The following ADAM18 variants were observed in gnomAD, a reference collection of about 807,000 sequenced individuals.
ADAM18 encodes the protein disintegrin and metalloproteinase domain-containing protein 18.
Under a neutral mutation model 94.4 loss-of-function variants are expected in ADAM18, and 117 were observed. The ratio of observed to expected loss-of-function variants is 1.24; its 90% confidence interval spans 1.07 to 1.45. The LOEUF is 1.45. Among genes scored for constraint, ADAM18 ranks in the 40% most tolerant of loss-of-function variants. The pLI is 0.00. For missense variants in ADAM18, 936 were observed against 880.0 expected (o/e 1.06, Z -0.81); for synonymous variants, 327 against 291.6 (o/e 1.12, Z -1.24).
At chr8:39,695,956 G>A (rs895605294) in intron 17 of ADAM18, among the ~76,000 whole-genome samples, 4 of 151,344 alleles carry the variant, frequency 2.6e-5, no homozygotes, top group African/African-American at 7.3e-5. Context: ...GGAGCATATG[G>A]TAATTCTATT....
At chr8:39,623,235 TC>T (rs1819664740) in intron 6 of ADAM18, among the ~76,000 whole-genome samples, 1 of 152,348 alleles carries the variant, frequency 6.6e-6, no homozygotes, top group South Asian at 2.1e-4. Flanking sequence ...GTATACATTA[TC>T]CACTCACTGA....
At chr8:39,615,037 A>G (rs547770855) in intron 6 of ADAM18, among the ~76,000 whole-genome samples, 1 of 152,322 alleles carries the variant, frequency 6.6e-6, no homozygotes, top group South Asian at 2.1e-4. Flanking sequence ...TGACAGCATT[A>G]GACAAAATAT....
intron 16 of ADAM18, among the ~76,000 whole-genome samples, chr8:39,680,680 G>A (rs770050604): frequency 2.0e-5 from 3 of 152,110 alleles, no homozygotes; most frequent in Non-Finnish European, 2.9e-5. Context: ...AGGCTCATGC[G>A]TATATACATG....
chr8:39,635,626 C>G (rs1270034233), intron 7 of ADAM18, among the ~76,000 whole-genome samples: 1 of 152,026 alleles, frequency 6.6e-6, no homozygotes, highest in African/African-American at 2.4e-5. Context: ...TGTCTTTTTC[C>G]TAATTCAGTC....
At chr8:39,616,071 A>G (rs190931900) in intron 6 of ADAM18, among the ~76,000 whole-genome samples, 2 of 152,232 alleles carry the variant, frequency 1.3e-5, no homozygotes, top group African/African-American at 4.8e-5. Flanking sequence ...ACAAATGGGG[A>G]AAATATTTTA....
At chr8:39,702,610 G>T (rs1296045496) in intron 17 of ADAM18, among the ~76,000 whole-genome samples, 1 of 152,126 alleles carries the variant, frequency 6.6e-6, no homozygotes, top group Admixed American at 6.6e-5. Flanking sequence ...GGTTTTTGTA[G>T]TTTTGGATTT....
chr8:39,607,807 A>T (rs1446181087), intron 3 of ADAM18, among the ~76,000 whole-genome samples: 2 of 132,984 alleles, frequency 1.5e-5, no homozygotes, highest in Non-Finnish European at 1.6e-5. Flanking sequence ...TGGTTTCTGC[A>T]TTCTGGTTTT....
At chr8:39,606,602 C>T (rs1363021523) in intron 3 of ADAM18, among the ~76,000 whole-genome samples, 3 of 152,026 alleles carry the variant, frequency 2.0e-5, no homozygotes, top group Non-Finnish European at 4.4e-5. Context: ...CTTGTAAAAT[C>T]TCAAATTGCA....
chr8:39,727,251 G>T (rs571821917), intron 19 of ADAM18, among the ~76,000 whole-genome samples: 2 of 152,222 alleles, frequency 1.3e-5, no homozygotes, highest in South Asian at 2.1e-4. Flanking sequence ...CTCCTTTTTA[G>T]TTATGTTAAT....
At position 39,645,471 on chromosome 8, in the gene ADAM18, C is replaced by A. The variant is rs1820353336; in HGVS notation, c.1043C>A (p.Ala348Glu). ...GCTACATGCATCATGAATCATGAAG[C>A]AGTGTAAGATGTTTTCTTAATTAAT... ...LRATCIMNHE[A>E]VSASGRKIFS... Residue 348 changes from alanine (A) to glutamate (E), a missense_variant, in exon 11 of 20, where the codon GCA becomes GAA. Ala to Glu is a moderately radical substitution (Grantham distance 107). Transcript: ENST00000265707. The A allele has an allele frequency of 5.0e-6, 8 of 1,608,214 alleles. No homozygotes were observed. Among genetic ancestry groups the A allele is most frequent in the Non-Finnish European group, 6.8e-6 (8 of 1,178,064 alleles).
At chr8:39,722,388 A>G (rs1311163327) in intron 18 of ADAM18, among the ~76,000 whole-genome samples, 1 of 150,884 alleles carries the variant, frequency 6.6e-6, no homozygotes, top group African/African-American at 2.4e-5. Flanking sequence ...CATGGATGGA[A>G]CTGGAGGCAT....
chr8:39,685,808 T>C (rs923703985), intron 16 of ADAM18, among the ~76,000 whole-genome samples: 12 of 152,332 alleles, frequency 7.9e-5, no homozygotes, highest in South Asian at 4.1e-4. Context: ...TCTGCTAACA[T>C]ATTTCTTCTT....
At chr8:39,622,677 C>A (rs1015320798) in intron 6 of ADAM18, among the ~76,000 whole-genome samples, 2 of 151,808 alleles carry the variant, frequency 1.3e-5, no homozygotes, top group Non-Finnish European at 1.5e-5. Flanking sequence ...ATTAATTTTT[C>A]ATTTCATGTC....
intron 2 of ADAM18, among the ~76,000 whole-genome samples, chr8:39,595,652 G>C (rs966802795): frequency 1.3e-5 from 2 of 151,932 alleles, no homozygotes; most frequent in African/African-American, 2.4e-5. Context: ...CTCCCAAATA[G>C]CTGGGATTAG....
chr8:39,677,669 T>C (rs567856101), intron 15 of ADAM18, 133 bp downstream of exon 15: 1 of 624,160 alleles, frequency 1.6e-6, no homozygotes, highest in African/African-American at 1.9e-5. Flanking sequence ...ATATATTTTT[T>C]CTATGAAATT....
Position 39,626,353 on chromosome 8 carries a change from C to T in ADAM18, c.523-3021C>T, listed in dbSNP as rs958742808. Among the ~76,000 whole-genome samples the T allele has an allele frequency of 1.8e-4, 27 of 151,848 alleles. 1 individual carries two copies. Among genetic ancestry groups the T allele is most frequent in the Middle Eastern group, 6.8e-3 (2 of 294 alleles). On this transcript the variant is annotated intron_variant, in intron 6 of 19. Coordinates refer to ENST00000265707, the MANE Select transcript of ADAM18 (RefSeq NM_014237.3). ...TAGTTTTGTTAATCTTTTCAAAGAA[C>T]CAAGTTTTCATTTCATTGATCATTT...
At chr8:39,701,321 G>A (rs1822071815) in intron 17 of ADAM18, among the ~76,000 whole-genome samples, 1 of 150,996 alleles carries the variant, frequency 6.6e-6, no homozygotes, top group Admixed American at 6.6e-5. Flanking sequence ...GCTGATATAT[G>A]TATTGTTCTA....
intron 18 of ADAM18, among the ~76,000 whole-genome samples, chr8:39,712,596 C>T (rs971325426): frequency 4.6e-5 from 7 of 152,142 alleles, no homozygotes; most frequent in Non-Finnish European, 1.0e-4. Flanking sequence ...TCAGCAAAGT[C>T]TCAGGATACA....
chr8:39,588,534 T>C (rs554699924), intron 2 of ADAM18, among the ~76,000 whole-genome samples: 42 of 152,328 alleles, frequency 2.8e-4, no homozygotes, highest in African/African-American at 9.9e-4. Context: ...AAACAATGGC[T>C]TAAATTTTAG....
Sources: allele counts gnomAD v4.1 joint callset (sites outside exome capture counted in the v4.1 genomes callset), GRCh38; gene constraint gnomAD v4.1.1; transcripts MANE v1.5; gene names NCBI Gene and HGNC (gene_info 2026-07-23, HGNC 2026-07-21).